Variants in CSMD1 observed in about 807,000 individuals in gnomAD.
CSMD1 encodes the protein CUB and Sushi multiple domains 1, also known as CUB and sushi domain-containing protein 1.
Under a neutral mutation model 417.5 loss-of-function variants are expected in CSMD1, and 213 were observed. The ratio of observed to expected loss-of-function variants is 0.51; its 90% CI spans 0.46 to 0.57. CSMD1 has a LOEUF of 0.57. Ranked by LOEUF, CSMD1 falls within the 20% of genes least tolerant of loss-of-function variation. The pLI, the probability that CSMD1 is intolerant of heterozygous loss-of-function variation, is 0.00. For missense variants in CSMD1, 6,923 were observed against 4,529.7 expected (o/e 1.53, Z -15.17); for synonymous variants, 2,862 against 1,736.8 (o/e 1.65, Z -16.11).
intron 1 of CSMD1, among the ~76,000 whole-genome samples, chr8:4,705,038 A>T (rs892627471): frequency 1.3e-5 from 2 of 152,154 alleles, no homozygotes; most frequent in African/African-American, 4.8e-5. Flanking sequence ...TATTTTTCCC[A>T]TGCTGTTCTC....
chr8:4,176,692 G>A (rs1008550184), intron 3 of CSMD1, among the ~76,000 whole-genome samples: 5 of 150,886 alleles, frequency 3.3e-5, no homozygotes, highest in Non-Finnish European at 7.4e-5. Flanking sequence ...GCCATCTCAC[G>A]TGCAGAGACA....
chr8:3,349,064 C>G (rs76496040), intron 21 of CSMD1, among the ~76,000 whole-genome samples: 6,600 of 152,286 alleles, frequency 0.043, 479 homozygotes, highest in African/African-American at 0.15. Flanking sequence ...ACAGACTATA[C>G]TATGTGCCCA....
chr8:3,857,658 G>A (rs1804406635), intron 5 of CSMD1, among the ~76,000 whole-genome samples: 1 of 152,284 alleles, frequency 6.6e-6, no homozygotes, highest in Non-Finnish European at 1.5e-5. Context: ...TGGTCCGAAT[G>A]AGTGGAATTT....
chr8:3,926,212 G>A (rs1028733427), intron 5 of CSMD1, among the ~76,000 whole-genome samples: 7 of 151,948 alleles, frequency 4.6e-5, no homozygotes, highest in East Asian at 1.9e-4. Flanking sequence ...TACTAATAAC[G>A]TATGTTGATT....
At chr8:3,861,203 A>C in intron 5 of CSMD1, among the ~76,000 whole-genome samples, 1 of 152,160 alleles carries the variant, frequency 6.6e-6, no homozygotes, top group East Asian at 1.9e-4. Context: ...AACGAGGTTC[A>C]GTTGTCTAAT....
intron 1 of CSMD1, among the ~76,000 whole-genome samples, chr8:4,754,480 T>C (rs779157794): frequency 1.3e-5 from 2 of 152,044 alleles, no homozygotes; most frequent in Non-Finnish European, 2.9e-5. Flanking sequence ...TGCATGCAAT[T>C]TTTGCACTTC....
At chr8:3,230,287 T>C (rs1442403) in intron 26 of CSMD1, 56 bp from the exon 27 acceptor site, 1,212,908 of 1,409,788 alleles carry the variant, frequency 0.86, 524,456 homozygotes, top group Non-Finnish European at 0.88. Context: ...TTCCACATTC[T>C]TGTCGGTGTG....
At chr8:4,814,200 G>A (rs1339446863) in intron 1 of CSMD1, among the ~76,000 whole-genome samples, 1 of 150,336 alleles carries the variant, frequency 6.7e-6, no homozygotes, top group Non-Finnish European at 1.5e-5. Context: ...ATGATTTTGT[G>A]TGTGTGTGTG....
intron 1 of CSMD1, among the ~76,000 whole-genome samples, chr8:4,813,024 C>T (rs1314270952): frequency 1.3e-5 from 2 of 152,130 alleles, no homozygotes; most frequent in African/African-American, 2.4e-5. Context: ...CACTGGAATC[C>T]ACAAGAAACA....
chr8:3,784,378 A>G (rs1305877081), intron 5 of CSMD1, among the ~76,000 whole-genome samples: 1 of 152,208 alleles, frequency 6.6e-6, no homozygotes, highest in Non-Finnish European at 1.5e-5. Context: ...ATGAGAAATC[A>G]CACGATTCTT....
At chr8:3,670,619 T>TATATATATTGCATATATATATGGGG (rs1563255038) in intron 7 of CSMD1, among the ~76,000 whole-genome samples, 112 of 148,294 alleles carry the variant, frequency 7.6e-4, no homozygotes, top group African/African-American at 2.6e-3. Context: ...TATATGGGGA[T>TATATATATTGCATATATATATGGGG]ATATATATGG....
intron 5 of CSMD1, among the ~76,000 whole-genome samples, chr8:3,879,735 T>G (rs544198897): frequency 6.6e-6 from 1 of 152,186 alleles, no homozygotes; most frequent in Non-Finnish European, 1.5e-5. Flanking sequence ...AGAAAAAGTG[T>G]TGCATGTGGA....
At chr8:3,366,899 G>T in intron 20 of CSMD1, 133 bp downstream of exon 20, 1 of 743,232 alleles carries the variant, frequency 1.3e-6, no homozygotes, top group Non-Finnish European at 2.3e-6. Flanking sequence ...CCATTAGTTG[G>T]AATCAAGTCA....
At chr8:4,207,695 A>T (rs1405360670) in intron 3 of CSMD1, among the ~76,000 whole-genome samples, 1 of 152,122 alleles carries the variant, frequency 6.6e-6, no homozygotes, top group African/African-American at 2.4e-5. Flanking sequence ...ATTTCAAAAG[A>T]AACATTTTTC....
intron 26 of CSMD1, among the ~76,000 whole-genome samples, chr8:3,264,245 A>C (rs1200410839): frequency 1.3e-5 from 2 of 152,194 alleles, no homozygotes; most frequent in Non-Finnish European, 2.9e-5. Context: ...CGAATTCACC[A>C]GTTCTTTATT....
intron 3 of CSMD1, among the ~76,000 whole-genome samples, chr8:4,393,819 G>A (rs139103964): frequency 1.1e-4 from 16 of 152,220 alleles, no homozygotes; most frequent in Non-Finnish European, 1.6e-4. Context: ...ATTTTCCTAT[G>A]TTTCTGTATC....
At chr8:3,379,779 T>G (rs544662522) in intron 18 of CSMD1, among the ~76,000 whole-genome samples, 24 of 152,188 alleles carry the variant, frequency 1.6e-4, no homozygotes, top group African/African-American at 5.1e-4. Context: ...ACATAAGACC[T>G]AAAACCATAA....
At chr8:3,268,263 G>C (rs1801577688) in intron 26 of CSMD1, among the ~76,000 whole-genome samples, 1 of 150,552 alleles carries the variant, frequency 6.6e-6, no homozygotes, top group Non-Finnish European at 1.5e-5. Flanking sequence ...TCTCCCATCA[G>C]GGTGTGGTCA....
At chr8:3,789,092 G>T (rs547142234) in intron 5 of CSMD1, among the ~76,000 whole-genome samples, 4 of 152,262 alleles carry the variant, frequency 2.6e-5, no homozygotes, top group South Asian at 2.1e-4. Flanking sequence ...CAACATGGGG[G>T]GATTAGGTGG....
Sources: allele counts gnomAD v4.1 joint callset (sites outside exome capture counted in the v4.1 genomes callset), GRCh38; gene constraint gnomAD v4.1.1; transcripts MANE v1.5; gene names NCBI Gene and HGNC (gene_info 2026-07-23, HGNC 2026-07-21).